SPMIP2: variants seen among roughly 807,000 people sequenced by gnomAD.
SPMIP2 encodes sperm microtubule inner protein 2.
chr4:159,039,951 C>A, the SPMIP2 span, among the ~76,000 whole-genome samples: 54 of 152,072 alleles, frequency 3.6e-4, no homozygotes, highest in Non-Finnish European at 5.4e-4. Flanking sequence ...AAATTAGAAG[C>A]TTTTATTATA....
the SPMIP2 span, among the ~76,000 whole-genome samples, chr4:158,930,688 G>A: frequency 6.6e-6 from 1 of 151,990 alleles, no homozygotes; most frequent in South Asian, 2.1e-4. Flanking sequence ...ATAGAGATGA[G>A]ATCTGACTAC....
the SPMIP2 span, among the ~76,000 whole-genome samples, chr4:159,077,786 G>A: frequency 6.6e-6 from 1 of 152,180 alleles, no homozygotes. Context: ...TTAGGTAACA[G>A]AGTGATGATG....
the SPMIP2 span, among the ~76,000 whole-genome samples, chr4:158,896,077 G>A: frequency 1.3e-5 from 2 of 152,104 alleles, no homozygotes; most frequent in Non-Finnish European, 2.9e-5. Context: ...TCAATCGCAG[G>A]ACTTTAGGCT....
the SPMIP2 span, among the ~76,000 whole-genome samples, chr4:159,051,903 C>A: frequency 6.6e-6 from 1 of 152,040 alleles, no homozygotes; most frequent in Non-Finnish European, 1.5e-5. Context: ...TCAGCTCCTG[C>A]GCTTTCATTT....
At chr4:158,947,914 T>C in the SPMIP2 span, among the ~76,000 whole-genome samples, 1 of 152,218 alleles carries the variant, frequency 6.6e-6, no homozygotes, top group African/African-American at 2.4e-5. Context: ...TTTTTCTCCA[T>C]TTTAATGAAA....
At chr4:159,081,914 G>C in the SPMIP2 span, among the ~76,000 whole-genome samples, 1 of 152,064 alleles carries the variant, frequency 6.6e-6, no homozygotes, top group South Asian at 2.1e-4. Context: ...CTGGAATTCT[G>C]TGTACAGATT....
chr4:159,078,886 G>A, the SPMIP2 span, among the ~76,000 whole-genome samples: 4 of 152,162 alleles, frequency 2.6e-5, no homozygotes, highest in African/African-American at 9.7e-5. Flanking sequence ...GGGAGGCTGA[G>A]GCGGGTGAAT....
chr4:159,059,620 G>C, the SPMIP2 span, among the ~76,000 whole-genome samples: 1 of 152,206 alleles, frequency 6.6e-6, no homozygotes, highest in African/African-American at 2.4e-5. Flanking sequence ...GGATCCACCA[G>C]CCTCAGCCTC....
chr4:159,048,853 C>T, the SPMIP2 span, among the ~76,000 whole-genome samples: 1 of 149,414 alleles, frequency 6.7e-6, no homozygotes, highest in African/African-American at 2.5e-5. Flanking sequence ...TACAGATATG[C>T]GACACCATCC....
the SPMIP2 span, among the ~76,000 whole-genome samples, chr4:158,944,699 G>A: frequency 6.6e-6 from 1 of 152,094 alleles, no homozygotes; most frequent in Non-Finnish European, 1.5e-5. Flanking sequence ...GAGTTGATCT[G>A]CTTCTACTTA....
chr4:158,969,598 C>G, the SPMIP2 span, among the ~76,000 whole-genome samples: 1 of 152,152 alleles, frequency 6.6e-6, no homozygotes. Flanking sequence ...TCAGGTGTCA[C>G]TCAGCATGGA....
the SPMIP2 span, among the ~76,000 whole-genome samples, chr4:159,001,543 G>T: frequency 1.2e-4 from 18 of 151,948 alleles, no homozygotes; most frequent in Non-Finnish European, 2.5e-4. Context: ...TCTCTTCTTT[G>T]TGTCTGTGAG....
the SPMIP2 span, among the ~76,000 whole-genome samples, chr4:158,981,721 G>A: frequency 6.8e-6 from 1 of 147,664 alleles, no homozygotes; most frequent in Admixed American, 7.0e-5. Flanking sequence ...AAACATGGAG[G>A]GGAACAACTG....
chr4:158,958,534 C>T, the SPMIP2 span, among the ~76,000 whole-genome samples: 2 of 152,190 alleles, frequency 1.3e-5, no homozygotes, highest in African/African-American at 4.8e-5. Context: ...GGCTGGTTCA[C>T]CATGATGGCC....
At chr4:158,990,271 T>C in the SPMIP2 span, among the ~76,000 whole-genome samples, 1 of 152,214 alleles carries the variant, frequency 6.6e-6, no homozygotes, top group Admixed American at 6.5e-5. Context: ...GCTTTTACAC[T>C]GTTGGTGGGA....
At chr4:158,936,406 T>C in the SPMIP2 span, among the ~76,000 whole-genome samples, 1 of 152,260 alleles carries the variant, frequency 6.6e-6, no homozygotes, top group Non-Finnish European at 1.5e-5. Flanking sequence ...TGTGTATTCA[T>C]GTATTTCAAA....
the SPMIP2 span, among the ~76,000 whole-genome samples, chr4:158,994,003 C>T: frequency 0.97 from 148,045 of 152,304 alleles, 72,086 homozygotes; most frequent in East Asian, 1. Context: ...CACTATGAGG[C>T]TTATTGTAAA....
chr4:159,073,733 G>C, the SPMIP2 span, among the ~76,000 whole-genome samples: 1 of 152,270 alleles, frequency 6.6e-6, no homozygotes, highest in East Asian at 1.9e-4. Flanking sequence ...CGGACATGGT[G>C]GCTCATGCCT....
the SPMIP2 span, among the ~76,000 whole-genome samples, chr4:158,964,179 A>AAACAAAACAAAACAAAACAC: frequency 1.3e-5 from 1 of 74,568 alleles, no homozygotes; most frequent in Admixed American, 1.5e-4. Context: ...AAACAAAACA[A>AAACAAAACAAAACAAAACAC]AACAAAACAA....
Sources: gnomAD v4.1 joint callset for allele counts (sites outside exome capture counted in the v4.1 genomes callset) on GRCh38, gnomAD v4.1.1 for gene constraint, MANE v1.5 for transcripts, NCBI Gene and HGNC (gene_info 2026-07-23, HGNC 2026-07-21) for gene names.